Variants in CCNG1 observed in about 807,000 individuals in gnomAD.
CCNG1 encodes cyclin-G1.
In CCNG1, 13 loss-of-function variants were observed where a neutral mutation model predicts 30.0. The ratio of observed to expected loss-of-function variants is 0.43; its 90% CI spans 0.28 to 0.69. The LOEUF (loss-of-function observed/expected upper bound fraction) is 0.69, where lower values mean the gene tolerates loss of function less well. Ranked by LOEUF, CCNG1 falls within the 30% of genes least tolerant of loss-of-function variation. The pLI is 0.16. For missense variants in CCNG1, 285 were observed against 331.4 expected, an observed-to-expected ratio of 0.86 and a Z score of 1.09; for synonymous variants, 110 against 121.5, an observed-to-expected ratio of 0.91 and a Z score of 0.62.
downstream of CCNG1, chr5:163,449,730 C>T (rs974300538): frequency 4.6e-5 from 7 of 152,078 alleles, no homozygotes; most frequent in Admixed American, 4.6e-4. Flanking sequence ...ACACATAGAT[C>T]GATGGAATAA....
rs1193893435 is a variant in CCNG1 at position 163,439,506 on chromosome 5, C to T, written c.250C>T (p.Leu84=). 7 of 1,612,778 alleles carry T rather than the reference C, an allele frequency of 4.3e-6. No individual in the cohort carries two copies. The South Asian group carries it at 7.7e-5, about 18-fold the overall frequency. ...AGCTGTGAATTTACTGGACAGATTCCTGTCTAAAATGAAGGTATGTTTGAA... is the reference window on the plus strand; with the variant it reads ...AGCTGTGAATTTACTGGACAGATTCTTGTCTAAAATGAAGGTATGTTTGAA... ...SLAVNLLDRF[L]SKMKVQPKHL... The change falls in exon 2 of 7, where the codon CTG becomes TTG. Residue 84 remains leucine, a synonymous_variant. Coordinates refer to ENST00000340828, the MANE Select transcript of CCNG1 (RefSeq NM_004060.4).
At chr5:163,447,808 T>C (rs1366404075), downstream of CCNG1, 3 of 152,148 alleles carry the variant, frequency 2.0e-5, no homozygotes, top group African/African-American at 7.2e-5. Context: ...TCCAAACACT[T>C]GGAAATTAAA....
At chr5:163,454,806 A>T in the CCNG1 span, among the ~76,000 whole-genome samples, 1 of 152,264 alleles carries the variant, frequency 6.6e-6, no homozygotes, top group Admixed American at 6.5e-5. Context: ...TTGAGCTCCT[A>T]CTGTTTGGGA....
At chr5:163,446,222 C>T (rs1464921945), downstream of CCNG1, 4 of 152,120 alleles carry the variant, frequency 2.6e-5, no homozygotes, top group African/African-American at 9.7e-5. Context: ...GAACCTTGTA[C>T]ATATTTACAA....
rs1160805626 is a variant in CCNG1, at chr5:163,444,132, A to G, written c.*462A>G. 2 of 161,088 alleles carry G rather than the reference A, an allele frequency of 1.2e-5. No individual in the cohort carries two copies. Among genetic ancestry groups the G allele is most frequent in the African/African-American group, 4.8e-5 (2 of 41,660 alleles). The allele number at this position is 161,088 out of a possible 1,614,324, so 10.0% of individuals were successfully genotyped here. A position where few individuals can be genotyped will look rare whatever the true frequency, so the allele number is the denominator to read the frequency against. ...GTTTATGTCAAAAGCAACATTTCAC[A>G]AATGTACTTTTAAGGCATAATAAGG... is the stretch of plus-strand genomic sequence containing the variant. On this transcript the variant is annotated 3_prime_UTR_variant, in exon 7 of 7. Coordinates refer to ENST00000340828, the MANE Select transcript of CCNG1 (RefSeq NM_004060.4).
Position 163,441,254 on chromosome 5 carries a change from G to C in CCNG1, c.441G>C (p.Trp147Cys), listed in dbSNP as rs747511557. The C allele has an allele frequency of 7.1e-5, 115 of 1,613,826 alleles. No individual in the cohort carries two copies. Among genetic ancestry groups the C allele is most frequent in the Non-Finnish European group, 9.2e-5 (109 of 1,179,864 alleles). Reference protein sequence around the residue: ...MEKIVLEKVCWKVKATTAFQF... With the variant: ...MEKIVLEKVCCKVKATTAFQF... ...AGATTGTATTGGAGAAGGTGTGTTG[G>C]AAAGTCAAAGCTACTACTGCCTTTC... Residue 147 changes from tryptophan to cysteine, a missense_variant, in exon 3 of 7, where the codon TGG (tryptophan) becomes TGC (cysteine). Coordinates refer to ENST00000340828, the MANE Select transcript of CCNG1 (RefSeq NM_004060.4).
At chr5:163,455,400 A>C in the CCNG1 span, among the ~76,000 whole-genome samples, 1 of 152,170 alleles carries the variant, frequency 6.6e-6, no homozygotes, top group African/African-American at 2.4e-5. Context: ...GGAATAACTG[A>C]TCAGAAAGGG....
chr5:163,453,239 T>C, the CCNG1 span: 4 of 152,322 alleles, frequency 2.6e-5, no homozygotes, highest in South Asian at 8.3e-4. Flanking sequence ...AAAATGTCTA[T>C]AGACAATTCC....
downstream of CCNG1, among the ~76,000 whole-genome samples, chr5:163,446,318 A>T: frequency 6.6e-6 from 1 of 152,286 alleles, no homozygotes; most frequent in South Asian, 2.1e-4. Flanking sequence ...GGTACTATGA[A>T]TCATCTCATT....
chr5:163,452,457 A>T, the CCNG1 span: 1 of 152,216 alleles, frequency 6.6e-6, no homozygotes, highest in Non-Finnish European at 1.5e-5. Context: ...GACTTCTACC[A>T]GCCAAATGTA....
chr5:163,441,738 TGGAAG>T (rs1323638524), intron 3 of CCNG1, 143 bp from the exon 4 acceptor site: 4 of 605,782 alleles, frequency 6.6e-6, no homozygotes, highest in Non-Finnish European at 1.2e-5. Flanking sequence ...GTATCTCTGA[TGGAAG>T]GGGAATTCCT....
intron 5 of CCNG1, 63 bp downstream of exon 5, chr5:163,442,206 C>G (rs1757851059): frequency 4.2e-6 from 5 of 1,190,674 alleles, no homozygotes; most frequent in Non-Finnish European, 4.8e-6. Flanking sequence ...CCCCTTCTAT[C>G]TCCTGAAGTA....
At chr5:163,456,688 T>C in the CCNG1 span, among the ~76,000 whole-genome samples, 4 of 152,218 alleles carry the variant, frequency 2.6e-5, no homozygotes, top group African/African-American at 9.6e-5. Flanking sequence ...GCATTACTGA[T>C]GTACATAAAA....
chr5:163,442,615 T>C, intron 6 of CCNG1, 47 bp downstream of exon 6: 2 of 1,419,328 alleles, frequency 1.4e-6, no homozygotes. Flanking sequence ...CATTTTCCAA[T>C]GCCATAATTT....
At chr5:163,448,062 G>A (rs1758083401), downstream of CCNG1, 1 of 152,010 alleles carries the variant, frequency 6.6e-6, no homozygotes, top group Non-Finnish European at 1.5e-5. Context: ...TCAGAAGGCT[G>A]AGGTAGGAGG....
At chr5:163,438,832 C>T (rs1757635702) in intron 1 of CCNG1, among the ~76,000 whole-genome samples, 1 of 151,982 alleles carries the variant, frequency 6.6e-6, no homozygotes, top group Non-Finnish European at 1.5e-5. Flanking sequence ...CCGAGACCAT[C>T]CTGGCCAACA....
chr5:163,440,825 C>G (rs2069349), intron 2 of CCNG1, among the ~76,000 whole-genome samples: 33 of 152,148 alleles, frequency 2.2e-4, no homozygotes, highest in African/African-American at 7.7e-4. Flanking sequence ...TAAAAACACA[C>G]TTTTTCTATG....
At chr5:163,448,211 AAG>A (rs1758088447), downstream of CCNG1, 2 of 152,204 alleles carry the variant, frequency 1.3e-5, no homozygotes, top group South Asian at 4.1e-4. Flanking sequence ...AAAAAAAAAA[AAG>A]AGGCAGAAAA....
rs532632673 is a variant in CCNG1, at chr5:163,442,522, A to G, written c.845A>G (p.Tyr282Cys). ...RTARQLKHSY[Y>C]RITHLPTIPE... ...GCACGGCAATTGAAGCATAGCTACT[A>G]CAGAATAACTCACCTTCCAACAATT... The change falls in exon 6 of 7, where the codon TAC becomes TGC. Residue 282 changes from tyrosine (Y) to cysteine (C), a missense_variant. Tyr to Cys is a radical substitution (Grantham distance 194, BLOSUM62 -2). Coordinates refer to ENST00000340828, the MANE Select transcript of CCNG1 (RefSeq NM_004060.4). 8 of 1,613,120 alleles carry G rather than the reference A, an allele frequency of 5.0e-6. No homozygotes were observed. Among genetic ancestry groups the G allele is most frequent in the South Asian group, 1.1e-5 (1 of 90,754 alleles).
Sources: gnomAD v4.1 joint callset for allele counts (sites outside exome capture counted in the v4.1 genomes callset) on GRCh38, gnomAD v4.1.1 for gene constraint, MANE v1.5 for transcripts, NCBI Gene and HGNC (gene_info 2026-07-23, HGNC 2026-07-21) for gene names.